The following TNS1 variants were observed in gnomAD, a reference collection of about 807,000 sequenced individuals.
TNS1 encodes the protein tensin 1.
Under a neutral mutation model 168.6 loss-of-function variants are expected in TNS1, and 62 were observed. That is an observed-to-expected ratio of 0.37 (90% CI 0.30 to 0.45). The LOEUF is 0.45. Among genes scored for constraint, TNS1 ranks in the 20% least tolerant of loss-of-function variants. The pLI is 1.00. For missense variants in TNS1, 2,240 were observed against 2,339.4 expected (o/e 0.96, Z 0.88); for synonymous variants, 934 against 933.2 (o/e 1.00, Z -0.02).
At position 217,906,194 on chromosome 2, in the gene TNS1, C is replaced by T. The variant is rs929272126; in HGVS notation, c.321+141G>A. On this transcript the variant is annotated intron_variant, in intron 6 of 32. Coordinates refer to ENST00000682258, the MANE Select transcript of TNS1 (RefSeq NM_001387777.1). ...GAGGCCCAGCCTGTAAGGAAATGGG[C>T]CTGCCCACAATGCCAGCCTCTCCTT... is the stretch of plus-strand genomic sequence containing the variant. 3 of 616,310 alleles carry T rather than the reference C, an allele frequency of 4.9e-6. No homozygotes were observed. The African/African-American group carries it at 5.5e-5, about 11-fold the overall frequency. The allele number at this position is 616,310 out of a possible 1,614,324, so 38.2% of individuals were successfully genotyped here.
intron 22 of TNS1, among the ~76,000 whole-genome samples, chr2:217,828,482 G>A (rs1943927698): frequency 6.6e-6 from 1 of 152,250 alleles, no homozygotes; most frequent in Non-Finnish European, 1.5e-5. Flanking sequence ...TAACCCATCA[G>A]AACTGGAAGT....
chr2:217,822,234 C>T (rs1574632762), intron 22 of TNS1, among the ~76,000 whole-genome samples: 2 of 152,114 alleles, frequency 1.3e-5, no homozygotes, highest in African/African-American at 4.8e-5. Flanking sequence ...TAGCTGGCAC[C>T]CCCTTTGGCT....
At chr2:217,837,811 C>G (rs1945372783) in intron 19 of TNS1, among the ~76,000 whole-genome samples, 1 of 152,226 alleles carries the variant, frequency 6.6e-6, no homozygotes, top group South Asian at 2.1e-4. Flanking sequence ...TCCCATTAGA[C>G]CCAGCCAGGG....
At chr2:217,842,940 G>A (rs746483122) in intron 19 of TNS1, among the ~76,000 whole-genome samples, 12 of 152,154 alleles carry the variant, frequency 7.9e-5, no homozygotes, top group Admixed American at 2.6e-4. Flanking sequence ...TCAATGGCAC[G>A]TATCACCTAT....
intron 3 of TNS1, among the ~76,000 whole-genome samples, chr2:217,943,536 C>T (rs1166839383): frequency 6.6e-6 from 1 of 152,216 alleles, no homozygotes; most frequent in East Asian, 1.9e-4. Flanking sequence ...CAGCCACTGA[C>T]ACCAGCAACT....
rs2552530 is a variant in TNS1 at position 217,831,492 on chromosome 2, A to G, written c.3336T>C (p.Pro1112=). The G allele has an allele frequency of 0.013, 20,042 of 1,585,392 alleles. 2,123 individuals carry two copies. The African/African-American group carries it at 0.23, about 19-fold the overall frequency. ...KTPLSALGLK[P]HNPADILLHP... ...GCAACAGGATGTCCGCTGGGTTGTG[A>G]GGTTTCAGGCCCAGAGCAGACAGGG... The change falls in exon 22 of 33, where the codon CCT becomes CCC. Residue 1112 remains proline, a synonymous_variant. Transcript: ENST00000682258.
chr2:217,966,288 TGTGTGTGTGTGTGTGTGTGTGC>T (rs991728459), intron 3 of TNS1, among the ~76,000 whole-genome samples: 1 of 148,408 alleles, frequency 6.7e-6, no homozygotes, highest in African/African-American at 2.6e-5. Context: ...TGTGTGTGTG[TGTGTGTGTGTGTGTGTGTGTGC>T]GCGCGCGCGC....
chr2:217,916,640 AAGGCCT>A (rs1324071060), intron 4 of TNS1, among the ~76,000 whole-genome samples: 31 of 152,302 alleles, frequency 2.0e-4, no homozygotes, highest in Non-Finnish European at 2.5e-4. Flanking sequence ...CCTTCTACCC[AAGGCCT>A]TGGGCAACAT....
intron 2 of TNS1, among the ~76,000 whole-genome samples, chr2:217,987,702 C>T (rs1386454890): frequency 6.6e-6 from 1 of 152,188 alleles, no homozygotes; most frequent in East Asian, 1.9e-4. Context: ...CACCTATCAC[C>T]CAGAGCCACT....
upstream of TNS1, among the ~76,000 whole-genome samples, chr2:218,006,035 A>G (rs141091499): frequency 9.4e-3 from 1,432 of 152,306 alleles, 21 homozygotes; most frequent in African/African-American, 0.031. Flanking sequence ...GGGGCTCTAC[A>G]CTGGCATCCC....
rs367895966 is a variant in TNS1 at position 217,960,873 on chromosome 2, A to G, written c.186+17892T>C. On this transcript the variant is annotated intron_variant, in intron 3 of 32. Coordinates refer to ENST00000682258, the MANE Select transcript of TNS1 (RefSeq NM_001387777.1). Reference sequence around the variant, plus strand: ...GAAAAGCACCTGGTTACCCTCAGTGACTGTCTGGTAGCCACTCCTCTACTG... The same window carrying G: ...GAAAAGCACCTGGTTACCCTCAGTGGCTGTCTGGTAGCCACTCCTCTACTG... Among the ~76,000 whole-genome samples the G allele has an allele frequency of 2.0e-4, 31 of 152,188 alleles. No homozygotes were observed. In the East Asian group the frequency reaches 3.3e-3, roughly 16 times the overall value.
intron 22 of TNS1, among the ~76,000 whole-genome samples, chr2:217,827,875 T>C (rs1319530290): frequency 6.6e-6 from 1 of 152,168 alleles, no homozygotes; most frequent in Non-Finnish European, 1.5e-5. Context: ...GCCCCTGAAG[T>C]CACCCCAAAG....
chr2:217,898,521 C>T (rs759608185), intron 7 of TNS1, among the ~76,000 whole-genome samples: 1 of 152,234 alleles, frequency 6.6e-6, no homozygotes, highest in Non-Finnish European at 1.5e-5. Context: ...GACACGTTCA[C>T]CTGGGTTCCA....
At position 218,016,732 on chromosome 2, in the gene TNS1, T is replaced by C. The variant is rs1344040554; in HGVS notation, c.156+17088A>G. ...ACCCCCCCAGAAAGACAATCCAAAA[T>C]AGGAGAGGCACTGGGGCTGAGACCT... On this transcript the variant is annotated intron_variant, in intron 1 of 1. Transcript: ENST00000649572. Among the ~76,000 whole-genome samples the C allele has an allele frequency of 3.3e-5, 5 of 151,656 alleles. No individual in the cohort carries two copies. In the East Asian group the frequency reaches 7.8e-4, roughly 24 times the overall value.
In TNS1 at chr2:218,022,400, G is replaced by A. The variant is rs576972666; in HGVS notation, c.156+11420C>T. 2.6e-5 allele frequency among the ~76,000 whole-genome samples: 4 copies of A among 152,262 alleles called. No individual in the cohort carries two copies. In the South Asian group the frequency reaches 6.2e-4, roughly 24 times the overall value. On this transcript the variant is annotated intron_variant, in intron 1 of 1. Transcript: ENST00000649572. ...CTTGGTCTGGGAGGCCCAAGACCAC[G>A]CTGCATCCCTGAATCCTTTCAAGAC... is the stretch of plus-strand genomic sequence containing the variant.
Position 217,814,955 on chromosome 2 carries a change from G to A in TNS1, c.4686C>T (p.Asp1562=). The change falls in exon 25 of 33, where the codon GAC becomes GAT. Residue 1562 remains aspartate (D), a synonymous_variant. Transcript: ENST00000682258. ...CAGGCTTGTACCAATACTTAGAAGT[G>A]TCCTGGACAAACTTCACTTTAGCCC... ...ETRAKVKFVQ[D]TSKYWYKPEI... 2 of 1,613,702 alleles carry A rather than the reference G, an allele frequency of 1.2e-6. No homozygotes were observed. The highest frequency in any genetic ancestry group is 1.1e-5 in the South Asian group (1 of 90,834).
chr2:217,847,649 C>T lies in TNS1; in HGVS notation c.2868G>A (p.Gly956=), dbSNP rs201336789. ...GGAGAGAGGCTGGGGGTTGCTGAGG[C>T]CCTGGAGGGCTGTGGGTGGTCGGAA... ...AFLPTTHSPP[G]PQQPPASLPG... is the part of the protein sequence containing the mutation. Residue 956 remains glycine (G), a synonymous_variant, in exon 19 of 33, where the codon GGG becomes GGA. Coordinates refer to ENST00000682258, the MANE Select transcript of TNS1 (RefSeq NM_001387777.1). The T allele has an allele frequency of 1.9e-6, 3 of 1,588,978 alleles. No individual in the cohort carries two copies. The highest frequency in any genetic ancestry group is 2.7e-5 in the African/African-American group (2 of 74,710).
intron 11 of TNS1, among the ~76,000 whole-genome samples, chr2:217,892,394 G>A (rs554917801): frequency 1.2e-4 from 18 of 152,356 alleles, no homozygotes; most frequent in Admixed American, 7.8e-4. Context: ...GAGCCACTGC[G>A]CCCAGCCATA....
intron 18 of TNS1, among the ~76,000 whole-genome samples, chr2:217,853,660 T>C (rs1947791623): frequency 6.6e-6 from 1 of 152,004 alleles, no homozygotes; most frequent in Non-Finnish European, 1.5e-5. Flanking sequence ...TCTGAGGATG[T>C]CTCCCTGCTC....
Sources: allele counts gnomAD v4.1 joint callset (sites outside exome capture counted in the v4.1 genomes callset), GRCh38; gene constraint gnomAD v4.1.1; transcripts MANE v1.5; gene names NCBI Gene and HGNC (gene_info 2026-07-23, HGNC 2026-07-21).